The following HIVEP1 variants were observed in gnomAD, a reference collection of about 807,000 sequenced individuals.
The protein encoded by HIVEP1 is HIVEP zinc finger 1.
Under a neutral mutation model 180.0 loss-of-function variants are expected in HIVEP1, and 36 were observed. The ratio of observed to expected loss-of-function variants is 0.20; its 90% CI spans 0.15 to 0.26. The LOEUF is 0.26. Among genes scored for constraint, HIVEP1 ranks in the 10% least tolerant of loss-of-function variants. The probability of loss-of-function intolerance (pLI) is 1.00; values close to 1 mark genes in which losing one functional copy is unlikely to be tolerated. For missense variants in HIVEP1, 3,143 were observed against 3,268.7 expected (o/e 0.96, Z 0.94); for synonymous variants, 1,239 against 1,239.0 (o/e 1.00, Z 0.00).
rs759178099 is a variant in HIVEP1 at position 12,123,937 on chromosome 6, C to T, written c.4142C>T (p.Ser1381Phe). 1.4e-5 allele frequency: 22 copies of T among 1,614,054 alleles called. No homozygotes were observed. The South Asian group carries it at 2.4e-4, about 18-fold the overall frequency. The change falls in exon 4 of 9, where the codon TCT becomes TTT. Residue 1381 changes from serine (S) to phenylalanine (F), a missense_variant. By Grantham distance (155) the Ser-to-Phe change is radical. This residue lies in a region of HIVEP1 where 1,357 missense variants were observed against 1,260.5 expected (regional missense o/e 1.08). Coordinates refer to ENST00000379388, the MANE Select transcript of HIVEP1 (RefSeq NM_002114.4). ...INCTQTSMEV[S>F]DLRSKSFDCG... ...TGCACGCAAACGTCAATGGAGGTCT[C>T]TGATCTCAGAAGCAAATCATTCGAT...
chr6:12,056,222 T>G (rs956145559), intron 2 of HIVEP1, among the ~76,000 whole-genome samples: 1 of 152,192 alleles, frequency 6.6e-6, no homozygotes, highest in African/African-American at 2.4e-5. Context: ...ATCAATAAAT[T>G]ACTAGTGTGT....
chr6:12,154,462 G>A (rs750570292), intron 7 of HIVEP1, among the ~76,000 whole-genome samples: 5 of 152,158 alleles, frequency 3.3e-5, no homozygotes, highest in Non-Finnish European at 4.4e-5. Context: ...AGTCAGAGCC[G>A]TCTGTCTCAG....
chr6:12,078,504 G>A (rs1256950088), intron 2 of HIVEP1, among the ~76,000 whole-genome samples: 1 of 151,762 alleles, frequency 6.6e-6, no homozygotes, highest in Non-Finnish European at 1.5e-5. Context: ...GAAGGGGAGC[G>A]GCTCGGATTT....
At chr6:12,094,628 G>T (rs1022712226) in intron 3 of HIVEP1, among the ~76,000 whole-genome samples, 1 of 151,810 alleles carries the variant, frequency 6.6e-6, no homozygotes, top group Non-Finnish European at 1.5e-5. Flanking sequence ...AGTGACTTAC[G>T]TATCTTTAAA....
upstream of HIVEP1, among the ~76,000 whole-genome samples, chr6:12,010,877 C>A (rs1180510061): frequency 6.6e-6 from 1 of 152,166 alleles, no homozygotes; most frequent in Non-Finnish European, 1.5e-5. Context: ...CTCCCTCTTC[C>A]CCTTTCACGC....
chr6:12,041,146 G>A lies in HIVEP1; in HGVS notation c.40+25478G>A, dbSNP rs116463568. On this transcript the variant is annotated intron_variant, in intron 2 of 8. Coordinates refer to ENST00000379388, the MANE Select transcript of HIVEP1 (RefSeq NM_002114.4). ...TTTAGAAATAAATAGCCAGCCGGGC[G>A]CAGTGTGGCTCACGCCTGTAATCCC... Among the ~76,000 whole-genome samples, 1,004 of 152,290 alleles carry A rather than the reference G, an allele frequency of 6.6e-3. 17 individuals are homozygous for A. Among genetic ancestry groups the A allele is most frequent in the African/African-American group, 0.023 (968 of 41,570 alleles).
chr6:12,152,393 A>G (rs981798849), intron 7 of HIVEP1, among the ~76,000 whole-genome samples: 1 of 151,948 alleles, frequency 6.6e-6, no homozygotes, highest in Non-Finnish European at 1.5e-5. Context: ...ATTCAGCAGC[A>G]GTAGTCTTGT....
chr6:12,187,428 G>A, the HIVEP1 span, among the ~76,000 whole-genome samples: 1 of 151,820 alleles, frequency 6.6e-6, no homozygotes. Context: ...AGAGAGCCTG[G>A]CACCTCACCC....
At chr6:12,192,848 CT>C in the HIVEP1 span, among the ~76,000 whole-genome samples, 5,014 of 144,772 alleles carry the variant, frequency 0.035, 71 homozygotes, top group Non-Finnish European at 0.048. Flanking sequence ...TTGAAACATA[CT>C]TTTTTTTTTT....
rs1436924331 is a variant in HIVEP1 at position 12,122,451 on chromosome 6, C to T, written c.2656C>T (p.Pro886Ser). 1.2e-6 allele frequency: 2 copies of T among 1,614,192 alleles called. No homozygotes were observed. Among genetic ancestry groups the T allele is most frequent in the Admixed American group, 3.3e-5 (2 of 60,020 alleles). ...TGTCTTTGTATCGGGACCTAACGCT[C>T]CTGTGCCCCAGAGTGGGCATCCCCG... ...DDVFVSGPNAPVPQSGHPRTL... is the reference protein window; with the variant it reads ...DDVFVSGPNASVPQSGHPRTL... Residue 886 changes from proline to serine, a missense_variant, in exon 4 of 9, where the codon CCT (proline) becomes TCT (serine). Physicochemically the swap from Pro to Ser is moderately conservative, Grantham distance 74. This residue lies in a region of HIVEP1 where 204 missense variants were observed against 243.7 expected (regional missense o/e 0.84). Transcript: ENST00000379388.
intron 2 of HIVEP1, chr6:12,020,549 G>A (rs1474254733): frequency 4.8e-6 from 2 of 415,184 alleles, no homozygotes. Context: ...GAATGGAGGA[G>A]TTGGTGACTT....
chr6:12,027,016 T>A (rs1013908116), intron 2 of HIVEP1, among the ~76,000 whole-genome samples: 1 of 152,236 alleles, frequency 6.6e-6, no homozygotes, highest in African/African-American at 2.4e-5. Flanking sequence ...AATAAAGTTT[T>A]ATAGAAACAT....
intron 6 of HIVEP1, among the ~76,000 whole-genome samples, chr6:12,131,628 A>G (rs138242741): frequency 0.01 from 1,583 of 151,952 alleles, 26 homozygotes; most frequent in African/African-American, 0.036. Flanking sequence ...TATAATAGGT[A>G]TACTACTTTA....
rs571776000 is a variant in HIVEP1 at position 12,072,398 on chromosome 6, C to T, written c.41-16786C>T. Among the ~76,000 whole-genome samples, 118 of 152,148 alleles carry T rather than the reference C, an allele frequency of 7.8e-4. 1 individual carries two copies. Among genetic ancestry groups the T allele is most frequent in the Non-Finnish European group, 1.5e-3 (99 of 68,024 alleles). ...TTCTCCCTCCCCTTCCCCTCTCCCA[C>T]TTCGTGCCCCTCCCTTTCCTCATCT... On this transcript the variant is annotated intron_variant, in intron 2 of 8. Transcript: ENST00000379388.
the HIVEP1 span, among the ~76,000 whole-genome samples, chr6:12,191,079 A>C: frequency 3.3e-5 from 5 of 152,218 alleles, no homozygotes; most frequent in African/African-American, 4.8e-5. Context: ...ACAGCACAGA[A>C]AAATATAATT....
At chr6:12,118,634 T>C (rs1775367164) in intron 3 of HIVEP1, among the ~76,000 whole-genome samples, 1 of 152,224 alleles carries the variant, frequency 6.6e-6, no homozygotes, top group South Asian at 2.1e-4. Context: ...TACCTATTGC[T>C]AATGACAAAG....
intron 3 of HIVEP1, among the ~76,000 whole-genome samples, chr6:12,092,406 A>G (rs1773532787): frequency 6.6e-6 from 1 of 152,028 alleles, no homozygotes; most frequent in South Asian, 2.1e-4. Flanking sequence ...GTTACTTTTC[A>G]TTGTTGTAAT....
chr6:12,039,077 T>G (rs985645869), intron 2 of HIVEP1: 1 of 151,966 alleles, frequency 6.6e-6, no homozygotes, highest in Non-Finnish European at 1.5e-5. Flanking sequence ...TTACCACTTT[T>G]TGATCTTTGT....
intron 2 of HIVEP1, among the ~76,000 whole-genome samples, chr6:12,048,323 G>T (rs1234742082): frequency 6.6e-6 from 1 of 152,188 alleles, no homozygotes; most frequent in East Asian, 1.9e-4. Context: ...ATAAGGGAAA[G>T]AACATTTGCT....
Sources: gnomAD v4.1 joint callset for allele counts (sites outside exome capture counted in the v4.1 genomes callset) on GRCh38, gnomAD v4.1.1 for gene constraint, gnomAD v4.1.1 regional missense constraint, MANE v1.5 for transcripts, NCBI Gene and HGNC (gene_info 2026-07-23, HGNC 2026-07-21) for gene names.